Variants in PLEKHG1 observed in about 807,000 individuals in gnomAD.
PLEKHG1 encodes the protein pleckstrin homology domain-containing family G member 1.
A neutral mutation model predicts 100.8 loss-of-function variants in PLEKHG1; 44 were observed. That is an observed-to-expected ratio of 0.44 (90% CI 0.34 to 0.56). PLEKHG1 has a LOEUF of 0.56. Ranked by LOEUF, PLEKHG1 falls within the 20% of genes least tolerant of loss-of-function variation. The pLI, the probability that PLEKHG1 is intolerant of heterozygous loss-of-function variation, is 0.01. For missense variants in PLEKHG1, 1,545 were observed against 1,720.9 expected (o/e 0.90, Z 1.81); for synonymous variants, 640 against 662.5 (o/e 0.97, Z 0.52).
intron 10 of PLEKHG1, among the ~76,000 whole-genome samples, chr6:150,810,527 A>AAAGAAAGAAAGAAAAGG (rs1562540240): frequency 2.3e-5 from 2 of 88,058 alleles, no homozygotes; most frequent in African/African-American, 7.2e-5. Context: ...AGAAAGAAAG[A>AAAGAAAGAAAGAAAAGG]AAGAAAGAAA....
intron 2 of PLEKHG1, among the ~76,000 whole-genome samples, chr6:150,754,180 G>A (rs1028055766): frequency 4.6e-5 from 7 of 152,162 alleles, no homozygotes; most frequent in Non-Finnish European, 1.0e-4. Flanking sequence ...TGAGCCAGGT[G>A]GTGATGAGCA....
chr6:150,640,879 G>A (rs191694704), intron 2 of PLEKHG1, among the ~76,000 whole-genome samples: 1 of 152,300 alleles, frequency 6.6e-6, no homozygotes, highest in African/African-American at 2.4e-5. Flanking sequence ...GGGGACAGAT[G>A]TTAAAGAAAT....
intron 12 of PLEKHG1, 87 bp downstream of exon 13, chr6:150,819,861 G>A (rs1043645489): frequency 8.5e-6 from 7 of 818,938 alleles, no homozygotes; most frequent in African/African-American, 8.4e-5. Context: ...GGAATGTTCT[G>A]TCTGGTTTCT....
intron 3 of PLEKHG1, among the ~76,000 whole-genome samples, chr6:150,693,879 C>A (rs1780442862): frequency 6.6e-6 from 1 of 152,212 alleles, no homozygotes; most frequent in Non-Finnish European, 1.5e-5. Context: ...AGAGGCAGAG[C>A]AAAATGGCAA....
At chr6:150,657,942 G>A (rs1443439375) in intron 3 of PLEKHG1, among the ~76,000 whole-genome samples, 1 of 152,236 alleles carries the variant, frequency 6.6e-6, no homozygotes, top group African/African-American at 2.4e-5. Flanking sequence ...CAGACATTTA[G>A]TTATAATATT....
intron 7 of PLEKHG1, among the ~76,000 whole-genome samples, chr6:150,808,600 A>G (rs1344536634): frequency 6.6e-6 from 1 of 152,080 alleles, no homozygotes; most frequent in South Asian, 2.1e-4. Context: ...AAATGCAAAA[A>G]AATTTAGCCA....
chr6:150,714,539 T>G (rs1781353245), intron 3 of PLEKHG1, among the ~76,000 whole-genome samples: 1 of 152,216 alleles, frequency 6.6e-6, no homozygotes, highest in African/African-American at 2.4e-5. Context: ...AGGCAGGCCA[T>G]GCACAACAGT....
At chr6:150,673,624 T>G (rs1301367601) in intron 3 of PLEKHG1, among the ~76,000 whole-genome samples, 1 of 151,872 alleles carries the variant, frequency 6.6e-6, no homozygotes, top group Non-Finnish European at 1.5e-5. Context: ...CTTTCTTTCC[T>G]TCCTTCCTTC....
rs962161507 is a variant in PLEKHG1 at position 150,600,755 on chromosome 6, C to T, written c.-204+738C>T. The T allele has an allele frequency of 1.3e-5, 2 of 152,290 alleles. No homozygotes were observed. Among genetic ancestry groups the T allele is most frequent in the Non-Finnish European group, 2.9e-5 (2 of 68,074 alleles). The allele number at this position is 152,290 out of a possible 1,614,324, so 9.4% of individuals were successfully genotyped here. ...GCCCCTTTTGTGTCCTCGCGGTGAG[C>T]CCCGTTCCGAAGCCGGAAGCTTGGG... On this transcript the variant is annotated intron_variant, in intron 1 of 3. Coordinates refer to the PLEKHG1 transcript ENST00000367326. The surrounding 1 kb of genome is among the most constrained non-coding windows in gnomAD (Gnocchi z 6.2).
In PLEKHG1 at chr6:150,809,377, C is replaced by G. The variant is rs1339035648; in HGVS notation, c.1096-4C>G. The G allele has an allele frequency of 6.2e-7, 1 of 1,613,436 alleles. No homozygotes were observed. ...CCTCACCCTCTCTGCTCTCTCTGCT[C>G]TAGTGTGGCAACCTCATGCTTGTGG... On this transcript the variant is annotated splice_region_variant and splice_polypyrimidine_tract_variant and intron_variant, in intron 8 of 15. Coordinates refer to ENST00000358517, the Ensembl canonical transcript of PLEKHG1.
Position 150,646,164 on chromosome 6 carries a change from CA to C in PLEKHG1, c.-157-4560del, listed in dbSNP as rs562784046. Reference sequence around the variant, plus strand: ...GCCTGTTTTACAGTTCAAAAGCACACAAAATTTGTCAGAATGGGGTTTCTAC... The same window carrying C: ...GCCTGTTTTACAGTTCAAAAGCACACAAATTTGTCAGAATGGGGTTTCTAC... On this transcript the variant is annotated intron_variant, in intron 2 of 3. Coordinates refer to the PLEKHG1 transcript ENST00000367326. Among the ~76,000 whole-genome samples the C allele has an allele frequency of 9.4e-3, 1,434 of 152,298 alleles. 26 individuals are homozygous for C. The highest frequency in any genetic ancestry group is 0.033 in the African/African-American group (1,359 of 41,558).
intron 1 of PLEKHG1, among the ~76,000 whole-genome samples, chr6:150,614,223 A>C (rs1776966861): frequency 6.6e-6 from 1 of 152,160 alleles, no homozygotes; most frequent in Admixed American, 6.5e-5. Context: ...TTAGAGCTCT[A>C]ACTTGGCCTA....
intron 2 of PLEKHG1, among the ~76,000 whole-genome samples, chr6:150,741,402 GT>G (rs1371268116): frequency 1.3e-5 from 2 of 152,148 alleles, no homozygotes; most frequent in African/African-American, 4.8e-5. Context: ...GACATCTTAA[GT>G]TTTGTAACCA....
intron 10 of PLEKHG1, among the ~76,000 whole-genome samples, chr6:150,813,462 G>GGT (rs998961346): frequency 1.3e-5 from 2 of 151,928 alleles, no homozygotes; most frequent in East Asian, 1.9e-4. Flanking sequence ...TGAAAACCGT[G>GGT]GTGTGTGTGG....
chr6:150,674,625 TCTCCTC>T (rs1243118813), intron 3 of PLEKHG1, among the ~76,000 whole-genome samples: 2,351 of 91,540 alleles, frequency 0.026, 82 homozygotes, highest in Middle Eastern at 0.068. Flanking sequence ...ACTTTCTCTC[TCTCCTC>T]CCTCTCTCTC....
chr6:150,657,505 C>T (rs1779015624), intron 3 of PLEKHG1, among the ~76,000 whole-genome samples: 1 of 152,178 alleles, frequency 6.6e-6, no homozygotes, highest in East Asian at 1.9e-4. Flanking sequence ...TCATCAACAT[C>T]CTTAACTTTT....
chr6:150,618,535 C>T (rs1396932508), intron 1 of PLEKHG1, among the ~76,000 whole-genome samples: 1 of 152,064 alleles, frequency 6.6e-6, no homozygotes, highest in African/African-American at 2.4e-5. Flanking sequence ...AGTATTGCAC[C>T]GTTTGTCTAG....
At chr6:150,694,415 C>T (rs1187740697) in intron 3 of PLEKHG1, among the ~76,000 whole-genome samples, 12 of 152,122 alleles carry the variant, frequency 7.9e-5, no homozygotes, top group Non-Finnish European at 4.4e-5. Flanking sequence ...TCAAATAGTG[C>T]CTGGCTGGGC....
chr6:150,700,822 A>G (rs1363369437), intron 3 of PLEKHG1, among the ~76,000 whole-genome samples: 1 of 152,162 alleles, frequency 6.6e-6, no homozygotes, highest in African/African-American at 2.4e-5. Context: ...TTAGTCTAAT[A>G]CAGGCAAAAC....
Sources: gnomAD v4.1 joint callset for allele counts (sites outside exome capture counted in the v4.1 genomes callset) on GRCh38, gnomAD v4.1.1 for gene constraint, Gnocchi (gnomAD v3.1) non-coding constraint, MANE v1.5 for transcripts, NCBI Gene and HGNC (gene_info 2026-07-23, HGNC 2026-07-21) for gene names.